DTWD2: variants seen among roughly 807,000 people sequenced by gnomAD.
The protein encoded by DTWD2 is tRNA-uridine aminocarboxypropyltransferase 2.
A neutral mutation model predicts 31.8 loss-of-function variants in DTWD2; 39 were observed. The ratio of observed to expected loss-of-function variants is 1.22; its 90% confidence interval spans 0.95 to 1.60. DTWD2 has a LOEUF of 1.60. DTWD2 is among the 40% of genes most tolerant of loss of function. The pLI is 0.00. For synonymous variants in DTWD2, 180 were observed against 142.8 expected, an observed-to-expected ratio of 1.26 and a Z score of -1.86; for missense variants, 515 against 381.5, an observed-to-expected ratio of 1.35 and a Z score of -2.92.
chr5:118,860,868 T>C (rs915344900), intron 4 of DTWD2, among the ~76,000 whole-genome samples: 19 of 152,226 alleles, frequency 1.2e-4, no homozygotes, highest in Admixed American at 6.5e-4. Context: ...GTCTTTTCAC[T>C]TTTAGAAATG....
chr5:118,894,025 A>T (rs989525101), intron 4 of DTWD2, among the ~76,000 whole-genome samples: 1 of 149,838 alleles, frequency 6.7e-6, no homozygotes, highest in Non-Finnish European at 1.5e-5. Context: ...TGGGTGACAG[A>T]GGGAGACTCT....
chr5:118,957,599 T>A (rs1754615199), intron 1 of DTWD2, among the ~76,000 whole-genome samples: 1 of 152,166 alleles, frequency 6.6e-6, no homozygotes, highest in Admixed American at 6.5e-5. Flanking sequence ...CTGTTTTAAA[T>A]ATATATACAC....
In DTWD2 at chr5:118,869,362, A is replaced by G. The variant is rs75885446; in HGVS notation, c.598-21144T>C. Among the ~76,000 whole-genome samples the G allele has an allele frequency of 1.2e-3, 188 of 152,312 alleles. 3 individuals carry two copies. The East Asian group carries it at 0.034, about 27-fold the overall frequency. Reference sequence around the variant, plus strand: ...CAACACAAAACTGCTAGAGAAAACTACAGCAGATCCACAAAAATTCCACGC... The same window carrying G: ...CAACACAAAACTGCTAGAGAAAACTGCAGCAGATCCACAAAAATTCCACGC... On this transcript the variant is annotated intron_variant, in intron 4 of 5. Transcript: ENST00000510708.
intron 4 of DTWD2, among the ~76,000 whole-genome samples, chr5:118,899,586 T>G (rs560211723): frequency 6.6e-6 from 1 of 152,046 alleles, no homozygotes; most frequent in African/African-American, 2.4e-5. Context: ...TACAGCTCCA[T>G]GAATCTACAA....
intron 1 of DTWD2, among the ~76,000 whole-genome samples, chr5:118,952,113 G>T (rs190728743): frequency 6.6e-6 from 1 of 152,186 alleles, no homozygotes; most frequent in African/African-American, 2.4e-5. Flanking sequence ...GTAAAAAGAC[G>T]CCGCTTACCC....
intron 1 of DTWD2, among the ~76,000 whole-genome samples, chr5:118,957,764 T>A (rs754026165): frequency 5.6e-4 from 85 of 152,304 alleles, no homozygotes; most frequent in Non-Finnish European, 9.7e-4. Flanking sequence ...TTATTTGAAT[T>A]GTGGACTTGC....
intron 4 of DTWD2, among the ~76,000 whole-genome samples, chr5:118,866,539 A>G (rs1315738521): frequency 1.3e-5 from 2 of 152,214 alleles, no homozygotes; most frequent in African/African-American, 4.8e-5. Context: ...AAGGAAACAC[A>G]AAAGACTTGA....
chr5:118,977,041 A>G (rs1020472074), intron 1 of DTWD2, among the ~76,000 whole-genome samples: 3 of 152,250 alleles, frequency 2.0e-5, no homozygotes, highest in African/African-American at 7.2e-5. Context: ...ACATATGCAA[A>G]TCAATAAATG....
At chr5:118,908,777 T>C (rs1331188792) in intron 4 of DTWD2, among the ~76,000 whole-genome samples, 1 of 152,034 alleles carries the variant, frequency 6.6e-6, no homozygotes, top group East Asian at 1.9e-4. Flanking sequence ...TTGCGGGTGA[T>C]GAAAAATTAA....
chr5:118,893,522 T>C (rs1753019691), intron 4 of DTWD2, among the ~76,000 whole-genome samples: 1 of 152,004 alleles, frequency 6.6e-6, no homozygotes. Context: ...AGAAGGGATA[T>C]AGAAAGAAAT....
At chr5:118,851,435 AT>A in intron 4 of DTWD2, among the ~76,000 whole-genome samples, 1 of 151,936 alleles carries the variant, frequency 6.6e-6, no homozygotes, top group Non-Finnish European at 1.5e-5. Context: ...AGCAAGTTTT[AT>A]TAAGGATTTC....
intron 4 of DTWD2, among the ~76,000 whole-genome samples, chr5:118,907,718 A>T (rs1269871964): frequency 1.4e-5 from 2 of 148,078 alleles, no homozygotes; most frequent in African/African-American, 2.5e-5. Flanking sequence ...TGACAGCGAG[A>T]CTCCATATCA....
At chr5:118,856,142 C>A (rs957106199) in intron 4 of DTWD2, among the ~76,000 whole-genome samples, 2 of 152,250 alleles carry the variant, frequency 1.3e-5, no homozygotes, top group Admixed American at 6.5e-5. Context: ...TCCTAATAAA[C>A]CCCACCTTTT....
At chr5:118,904,974 C>G (rs1580797754) in intron 4 of DTWD2, among the ~76,000 whole-genome samples, 1 of 151,988 alleles carries the variant, frequency 6.6e-6, no homozygotes, top group African/African-American at 2.4e-5. Flanking sequence ...TATAAGAACT[C>G]CAAGAAAGAG....
intron 4 of DTWD2, among the ~76,000 whole-genome samples, chr5:118,865,995 C>T (rs1317072445): frequency 2.7e-5 from 4 of 146,718 alleles, no homozygotes; most frequent in South Asian, 2.2e-4. Flanking sequence ...CGTGTGTCTG[C>T]GTGTGTGTGT....
At chr5:118,918,103 T>C (rs941652847) in intron 4 of DTWD2, among the ~76,000 whole-genome samples, 2 of 152,120 alleles carry the variant, frequency 1.3e-5, no homozygotes, top group Admixed American at 6.5e-5. Flanking sequence ...AGATTTTGGG[T>C]GGGGACACAG....
At chr5:118,851,993 G>T (rs1752019939) in intron 4 of DTWD2, among the ~76,000 whole-genome samples, 1 of 152,130 alleles carries the variant, frequency 6.6e-6, no homozygotes, top group Non-Finnish European at 1.5e-5. Context: ...AACCGCAGAG[G>T]ACAGACACTC....
At chr5:118,959,306 G>T (rs1754657359) in intron 1 of DTWD2, among the ~76,000 whole-genome samples, 1 of 151,994 alleles carries the variant, frequency 6.6e-6, no homozygotes, top group African/African-American at 2.4e-5. Flanking sequence ...CACCAATAAT[G>T]TCCAAGCTGA....
chr5:118,968,854 C>T (rs952047305), intron 1 of DTWD2, among the ~76,000 whole-genome samples: 1 of 152,216 alleles, frequency 6.6e-6, no homozygotes, highest in Non-Finnish European at 1.5e-5. Flanking sequence ...CCCATGGCAC[C>T]TCACATGTTA....
Sources: gnomAD v4.1 joint callset for allele counts (sites outside exome capture counted in the v4.1 genomes callset) on GRCh38, gnomAD v4.1.1 for gene constraint, MANE v1.5 for transcripts, NCBI Gene and HGNC (gene_info 2026-07-23, HGNC 2026-07-21) for gene names.